The following GSG1L variants were observed in gnomAD, a reference collection of about 807,000 sequenced individuals.
GSG1L encodes the protein GSG1 like, also known as germ cell-specific gene 1-like protein.
A neutral mutation model predicts 42.1 loss-of-function variants in GSG1L; 24 were observed. The ratio of observed to expected loss-of-function variants is 0.57; its 90% CI spans 0.41 to 0.80. The LOEUF is 0.80. Among genes scored for constraint, GSG1L ranks in the 30% least tolerant of loss-of-function variants. GSG1L has a pLI of 0.00. For missense variants in GSG1L, 445 were observed against 472.2 expected (o/e 0.94, Z 0.53); for synonymous variants, 215 against 203.5 (o/e 1.06, Z -0.48).
In GSG1L at chr16:27,789,190, G is replaced by A. The variant is rs2082723751; in HGVS notation, c.*2180C>T. 1 of 151,946 alleles carries A rather than the reference G, an allele frequency of 6.6e-6. No individual in the cohort carries two copies. The highest frequency in any genetic ancestry group is 2.1e-4 in the South Asian group (1 of 4,814). The allele number at this position is 151,946 out of a possible 1,614,324, so 9.4% of individuals were successfully genotyped here. ...TGATGGATAGATGAAGGAATGGATG[G>A]ATGATAGATAGGTGTAAGGATAATG... On this transcript the variant is annotated 3_prime_UTR_variant, in exon 7 of 7. Coordinates refer to ENST00000447459, the MANE Select transcript of GSG1L (RefSeq NM_001109763.2).
intron 1 of GSG1L, among the ~76,000 whole-genome samples, chr16:28,024,465 A>G (rs527598524): frequency 1.3e-5 from 2 of 152,314 alleles, no homozygotes; most frequent in South Asian, 4.1e-4. Context: ...AAATAAAACA[A>G]TCTAGGAAGC....
intron 4 of GSG1L, among the ~76,000 whole-genome samples, chr16:27,835,698 G>A (rs1007254147): frequency 2.6e-5 from 4 of 151,676 alleles, no homozygotes; most frequent in African/African-American, 9.7e-5. Context: ...GGTTGCTCTG[G>A]GTCTTACATT....
intron 1 of GSG1L, among the ~76,000 whole-genome samples, chr16:28,054,695 A>T (rs183057402): frequency 2.0e-5 from 3 of 152,074 alleles, no homozygotes; most frequent in Non-Finnish European, 4.4e-5. Context: ...CATAAAAAGA[A>T]AAACAACTGG....
intron 2 of GSG1L, among the ~76,000 whole-genome samples, chr16:27,962,602 C>T (rs1265291007): frequency 6.6e-6 from 1 of 152,192 alleles, no homozygotes; most frequent in African/African-American, 2.4e-5. Flanking sequence ...GACTGCTATC[C>T]CCTGACTCAA....
intron 5 of GSG1L, among the ~76,000 whole-genome samples, chr16:27,821,707 T>C (rs74370793): frequency 0.1 from 15,503 of 151,780 alleles, 923 homozygotes; most frequent in African/African-American, 0.16. Flanking sequence ...ACGACCATCC[T>C]GGGTAACACG....
rs547812900 is a variant in GSG1L, at chr16:28,025,371, G to C, written c.349+37705C>G. On this transcript the variant is annotated intron_variant, in intron 1 of 6. Transcript: ENST00000447459. ...GCAGGGGCCATGCCACCTCATCTAA[G>C]GAAGAGCAGACATAAGGGGGACATG... 2.6e-5 allele frequency among the ~76,000 whole-genome samples: 4 copies of C among 152,282 alleles called. No homozygotes were observed. The East Asian group carries it at 7.7e-4, about 29-fold the overall frequency.
At chr16:27,819,854 A>C (rs916114316) in intron 5 of GSG1L, among the ~76,000 whole-genome samples, 1 of 152,136 alleles carries the variant, frequency 6.6e-6, no homozygotes, top group Non-Finnish European at 1.5e-5. Context: ...GTGAGAGTAG[A>C]TTAGAGGGGA....
chr16:27,903,285 G>A (rs759471422), intron 2 of GSG1L, among the ~76,000 whole-genome samples: 5 of 152,182 alleles, frequency 3.3e-5, no homozygotes, highest in African/African-American at 9.6e-5. Flanking sequence ...CAACGTGGTC[G>A]GACCTGGGTA....
intron 5 of GSG1L, among the ~76,000 whole-genome samples, chr16:27,815,951 G>A (rs774836269): frequency 1.3e-5 from 2 of 152,142 alleles, no homozygotes; most frequent in East Asian, 1.9e-4. Context: ...GTGACAGAGC[G>A]ACACCCTCTC....
intron 2 of GSG1L, among the ~76,000 whole-genome samples, chr16:27,917,306 A>T (rs2084468820): frequency 6.6e-6 from 1 of 151,824 alleles, no homozygotes; most frequent in Non-Finnish European, 1.5e-5. Flanking sequence ...GCTCAAATGT[A>T]GAAGAGGCAG....
chr16:27,916,105 C>T (rs2084451991), intron 2 of GSG1L, among the ~76,000 whole-genome samples: 1 of 152,112 alleles, frequency 6.6e-6, no homozygotes, highest in South Asian at 2.1e-4. Context: ...CCCTCTAACC[C>T]CTGAGACACC....
Position 27,830,247 on chromosome 16 carries a change from G to A in GSG1L, c.663-1291C>T, listed in dbSNP as rs571294231. 2.0e-5 allele frequency among the ~76,000 whole-genome samples: 3 copies of A among 152,242 alleles called. No individual in the cohort carries two copies. The South Asian group carries it at 6.2e-4, about 32-fold the overall frequency. On this transcript the variant is annotated intron_variant, in intron 4 of 6. Transcript: ENST00000447459. ...TCTTCAGTCTCTGCCTTGGTAACTGGTTTCCTCCAAATCAGGGACTCAGTT... is the reference window on the plus strand; with the variant it reads ...TCTTCAGTCTCTGCCTTGGTAACTGATTTCCTCCAAATCAGGGACTCAGTT...
intron 1 of GSG1L, among the ~76,000 whole-genome samples, chr16:28,039,627 G>C (rs956734971): frequency 2.7e-5 from 4 of 149,478 alleles, no homozygotes; most frequent in African/African-American, 9.9e-5. Context: ...AAGCAGACAT[G>C]TACGTGCGTG....
At chr16:27,797,998 A>C (rs1216691107) in intron 6 of GSG1L, among the ~76,000 whole-genome samples, 1 of 152,058 alleles carries the variant, frequency 6.6e-6, no homozygotes, top group African/African-American at 2.4e-5. Context: ...GGCCATAGAA[A>C]GGGAAATACC....
chr16:27,908,158 C>T (rs957060142), intron 2 of GSG1L, among the ~76,000 whole-genome samples: 2 of 152,256 alleles, frequency 1.3e-5, no homozygotes, highest in African/African-American at 4.8e-5. Flanking sequence ...CTCTTGCTTG[C>T]ACCTGTTGTC....
chr16:27,959,228 T>C (rs1055989777), intron 2 of GSG1L, among the ~76,000 whole-genome samples: 4 of 149,246 alleles, frequency 2.7e-5, no homozygotes, highest in African/African-American at 9.9e-5. Flanking sequence ...GAGGCCAACG[T>C]GGGAGGATCG....
rs201877367 is a variant in GSG1L at position 27,790,098 on chromosome 16, G to GATGA, written c.*1268_*1271dup. The GATGA allele has an allele frequency of 2.6e-5, 4 of 151,884 alleles. No individual in the cohort carries two copies. The highest frequency in any genetic ancestry group is 5.9e-5 in the Non-Finnish European group (4 of 67,946). The allele number at this position is 151,884 out of a possible 1,614,324, so 9.4% of individuals were successfully genotyped here. A position where few individuals can be genotyped will look rare whatever the true frequency, so the allele number is the denominator to read the frequency against. On this transcript the variant is annotated 3_prime_UTR_variant, in exon 7 of 7. Transcript: ENST00000447459. Reference sequence around the variant, plus strand: ...TAGATGATGGATGGATGGAAGGATGGATGAATGAATGAATGATGGATGGAT... The same window carrying GATGA: ...TAGATGATGGATGGATGGAAGGATGGATGAATGAATGAATGAATGATGGATGGAT...
intron 3 of GSG1L, among the ~76,000 whole-genome samples, chr16:27,852,575 A>G (rs2083527569): frequency 6.6e-6 from 1 of 152,096 alleles, no homozygotes; most frequent in African/African-American, 2.4e-5. Context: ...AACCCACACC[A>G]GCAGAAACCC....
At chr16:27,807,389 T>A in intron 6 of GSG1L, 98 bp downstream of exon 6, 1 of 917,410 alleles carries the variant, frequency 1.1e-6, no homozygotes, top group East Asian at 2.6e-5. Flanking sequence ...CAGGGTGCAG[T>A]GGGGGGTGGG....
Sources: allele counts gnomAD v4.1 joint callset (sites outside exome capture counted in the v4.1 genomes callset), GRCh38; gene constraint gnomAD v4.1.1; transcripts MANE v1.5; gene names NCBI Gene and HGNC (gene_info 2026-07-23, HGNC 2026-07-21).